TM9SF2: variants seen among roughly 807,000 people sequenced by gnomAD.
TM9SF2 encodes 76 kDa membrane protein.
A neutral mutation model predicts 84.9 loss-of-function variants in TM9SF2; 13 were observed. The ratio of observed to expected loss-of-function variants is 0.15; its 90% CI spans 0.10 to 0.24. The LOEUF (loss-of-function observed/expected upper bound fraction) is 0.24. TM9SF2 is among the 10% of genes least tolerant of loss of function. The probability of loss-of-function intolerance (pLI) is 1.00; values close to 1 mark genes in which losing one functional copy is unlikely to be tolerated. For synonymous variants in TM9SF2, 273 were observed against 285.8 expected, an observed-to-expected ratio of 0.96 and a Z score of 0.45; for missense variants, 562 against 818.5, an observed-to-expected ratio of 0.69 and a Z score of 3.82.
intron 1 of TM9SF2, among the ~76,000 whole-genome samples, chr13:99,510,507 T>C (rs1047392475): frequency 1.1e-4 from 17 of 152,282 alleles, no homozygotes; most frequent in African/African-American, 3.6e-4. Flanking sequence ...ACTCTGCTTC[T>C]GGGGAGGCCT....
chr13:99,530,535 T>G (rs2046204145), intron 4 of TM9SF2, among the ~76,000 whole-genome samples: 1 of 152,234 alleles, frequency 6.6e-6, no homozygotes, highest in Non-Finnish European at 1.5e-5. Context: ...TAAAGTGAAG[T>G]GCAATAAAAC....
chr13:99,547,951 A>G (rs182796416), intron 11 of TM9SF2, among the ~76,000 whole-genome samples: 5 of 152,338 alleles, frequency 3.3e-5, no homozygotes, highest in African/African-American at 9.6e-5. Context: ...TCTCTTGAGT[A>G]TGTGAAGCCC....
At chr13:99,515,828 G>A (rs569533450) in intron 1 of TM9SF2, among the ~76,000 whole-genome samples, 1 of 151,824 alleles carries the variant, frequency 6.6e-6, no homozygotes, top group African/African-American at 2.4e-5. Flanking sequence ...TGCCTCCAGG[G>A]TTCAAGCAAT....
chr13:99,543,130 T>C (rs535133805), intron 9 of TM9SF2, among the ~76,000 whole-genome samples: 2 of 152,310 alleles, frequency 1.3e-5, no homozygotes, highest in East Asian at 3.9e-4. Flanking sequence ...GGTCTGCCCC[T>C]CATTTACATG....
chr13:99,554,323 G>C lies in TM9SF2; in HGVS notation c.1508G>C (p.Arg503Pro). ...CTGAAGGCCATTGAACACCCAGTTC[G>C]AACCAATCAGATTCCACGTCAGATT... is the stretch of plus-strand genomic sequence containing the variant. ...FKKNAIEHPVRTNQIPRQIPE... is the reference protein window; with the variant it reads ...FKKNAIEHPVPTNQIPRQIPE... The change falls in exon 14 of 17, where the codon CGA (arginine) becomes CCA (proline). Residue 503 changes from arginine to proline, a missense_variant. Arg to Pro is a moderately radical substitution (Grantham distance 103). Around this residue, in one of 4 missense-constraint regions of TM9SF2, gnomAD observed 219 missense variants for 338.1 expected, o/e 0.65. Coordinates refer to ENST00000376387, the MANE Select transcript of TM9SF2 (RefSeq NM_004800.3). 1 of 1,613,666 alleles carries C rather than the reference G, an allele frequency of 6.2e-7. No homozygotes were observed. The highest frequency in any genetic ancestry group is 8.5e-7 in the Non-Finnish European group (1 of 1,179,826).
chr13:99,508,214 A>G (rs1331090097), intron 1 of TM9SF2, among the ~76,000 whole-genome samples: 1 of 152,192 alleles, frequency 6.6e-6, no homozygotes, highest in Non-Finnish European at 1.5e-5. Context: ...TGCATGCTTG[A>G]AATAACCTAG....
At chr13:99,527,159 G>C (rs2046187075) in intron 3 of TM9SF2, among the ~76,000 whole-genome samples, 2 of 152,162 alleles carry the variant, frequency 1.3e-5, no homozygotes, top group Non-Finnish European at 1.5e-5. Context: ...GGAATGGAAG[G>C]ATGACATGGA....
At chr13:99,529,242 A>G (rs2046197302) in intron 3 of TM9SF2, among the ~76,000 whole-genome samples, 1 of 152,184 alleles carries the variant, frequency 6.6e-6, no homozygotes, top group African/African-American at 2.4e-5. Flanking sequence ...GAAATTACCA[A>G]AAAGAACGTA....
chr13:99,536,201 TA>T (rs1302350373), intron 4 of TM9SF2, among the ~76,000 whole-genome samples: 1 of 152,174 alleles, frequency 6.6e-6, no homozygotes, highest in Non-Finnish European at 1.5e-5. Flanking sequence ...GTGAAGTGTC[TA>T]AATAGTATTG....
At chr13:99,515,858 C>T (rs1183667023) in intron 1 of TM9SF2, among the ~76,000 whole-genome samples, 1 of 151,870 alleles carries the variant, frequency 6.6e-6, no homozygotes, top group Non-Finnish European at 1.5e-5. Context: ...CCAGCCTCCC[C>T]AGTAGCTGGG....
intron 1 of TM9SF2, among the ~76,000 whole-genome samples, chr13:99,504,205 G>A (rs1050186628): frequency 6.6e-6 from 1 of 152,152 alleles, no homozygotes; most frequent in African/African-American, 2.4e-5. Flanking sequence ...TTGTTAAGGA[G>A]GACAGTCTTG....
At chr13:99,509,364 C>T (rs891478048) in intron 1 of TM9SF2, among the ~76,000 whole-genome samples, 2 of 152,364 alleles carry the variant, frequency 1.3e-5, no homozygotes, top group East Asian at 1.9e-4. Flanking sequence ...CACATTTCCC[C>T]TCCACACTGC....
chr13:99,538,363 A>AT (rs59982617), intron 6 of TM9SF2, among the ~76,000 whole-genome samples: 2,249 of 150,772 alleles, frequency 0.015, 55 homozygotes, highest in African/African-American at 0.051. Flanking sequence ...TATTTATGAG[A>AT]TTTTTTTTTT....
Position 99,547,047 on chromosome 13 carries a change from G to T in TM9SF2, c.1213G>T (p.Val405Phe). 1 of 1,614,192 alleles carries T rather than the reference G, an allele frequency of 6.2e-7. No individual in the cohort carries two copies. The highest frequency in any genetic ancestry group is 8.5e-7 in the Non-Finnish European group (1 of 1,180,030). ...NRGALMTCAVVLWVLLGTPAG... is the reference protein window; with the variant it reads ...NRGALMTCAVFLWVLLGTPAG... Reference sequence around the variant, plus strand: ...AGGAGCGCTGATGACGTGTGCTGTGGTCCTGTGGGTGCTGCTGGGCACCCC... The same window carrying T: ...AGGAGCGCTGATGACGTGTGCTGTGTTCCTGTGGGTGCTGCTGGGCACCCC... The change falls in exon 11 of 17, where the codon GTC becomes TTC. Residue 405 changes from valine (V) to phenylalanine (F), a missense_variant. This residue lies in a region of TM9SF2 where 219 missense variants were observed against 338.1 expected (regional missense o/e 0.65). Coordinates refer to ENST00000376387, the MANE Select transcript of TM9SF2 (RefSeq NM_004800.3).
At chr13:99,512,592 A>G (rs2046118256) in intron 1 of TM9SF2, among the ~76,000 whole-genome samples, 1 of 152,250 alleles carries the variant, frequency 6.6e-6, no homozygotes, top group Non-Finnish European at 1.5e-5. Flanking sequence ...AATAAGAGTG[A>G]TAGTAATTGG....
At chr13:99,540,396 T>TA (rs34041487) in intron 7 of TM9SF2, 24,511 of 136,912 alleles carry the variant, frequency 0.18, 2,206 homozygotes, top group African/African-American at 0.24. Context: ...ATTATTTTCT[T>TA]AAAAAAAAAA....
chr13:99,510,166 C>A (rs978970789), intron 1 of TM9SF2, among the ~76,000 whole-genome samples: 3 of 152,196 alleles, frequency 2.0e-5, no homozygotes, highest in African/African-American at 7.2e-5. Context: ...CTTCTCATTT[C>A]CATCTCAGAC....
Position 99,563,658 on chromosome 13 carries a change from T to C in TM9SF2, c.*900T>C, listed in dbSNP as rs1484011148. ...GTACTTAAGGTGGAGCCTTACTACA[T>C]TGTCATTAAGGAGTTTCTATTTTTG... is the stretch of plus-strand genomic sequence containing the variant. On this transcript the variant is annotated 3_prime_UTR_variant, in exon 17 of 17. Coordinates refer to ENST00000376387, the MANE Select transcript of TM9SF2 (RefSeq NM_004800.3). 6.6e-6 allele frequency: 1 copy of C among 152,240 alleles called. No homozygotes were observed. Among genetic ancestry groups the C allele is most frequent in the Admixed American group, 6.5e-5 (1 of 15,286 alleles). 9.4% of individuals were successfully genotyped at this position (152,240 alleles called of 1,614,324 possible).
chr13:99,541,146 A>G (rs2046257327), intron 8 of TM9SF2, among the ~76,000 whole-genome samples: 1 of 152,242 alleles, frequency 6.6e-6, no homozygotes, highest in South Asian at 2.1e-4. Context: ...ACTTTTATCT[A>G]GAGTTGTTCA....
Sources: allele counts gnomAD v4.1 joint callset (sites outside exome capture counted in the v4.1 genomes callset), GRCh38; gene constraint gnomAD v4.1.1; regional missense constraint gnomAD v4.1.1; transcripts MANE v1.5; gene names NCBI Gene and HGNC (gene_info 2026-07-23, HGNC 2026-07-21).